Variants in CAB39L observed in about 807,000 individuals in gnomAD.
The protein encoded by CAB39L is calcium binding protein 39 like.
In CAB39L, 23 loss-of-function variants were observed where a neutral mutation model predicts 39.1. That is an observed-to-expected ratio of 0.59 (90% confidence interval 0.42 to 0.83). The LOEUF (loss-of-function observed/expected upper bound fraction) is 0.83, where lower values mean the gene tolerates loss of function less well. Ranked by LOEUF, CAB39L falls within the 40% of genes least tolerant of loss-of-function variation. The pLI is 0.00. For missense variants in CAB39L, 366 were observed against 391.9 expected (o/e 0.93, Z 0.56); for synonymous variants, 126 against 137.2 (o/e 0.92, Z 0.57).
chr13:49,441,534 T>C (rs1957523862), intron 1 of CAB39L, among the ~76,000 whole-genome samples: 1 of 151,428 alleles, frequency 6.6e-6, no homozygotes, highest in Non-Finnish European at 1.5e-5. Context: ...GCCACTGTAT[T>C]CCAGCCTGGG....
intron 5 of CAB39L, among the ~76,000 whole-genome samples, chr13:49,361,769 T>C (rs932384713): frequency 2.0e-5 from 3 of 152,070 alleles, no homozygotes; most frequent in African/African-American, 7.2e-5. Context: ...AACTCTGTCA[T>C]TCTTTAAGAT....
chr13:49,377,135 G>A lies in CAB39L; in HGVS notation c.112-4C>T, dbSNP rs370126914. ...ATTTAGACACTTCTTCTGAAGCCTA[G>A]TGACCAAAACGTATGCTAACGGTTA... On this transcript the variant is annotated splice_region_variant and splice_polypyrimidine_tract_variant and intron_variant, in intron 4 of 10. Coordinates refer to ENST00000409308, the MANE Select transcript of CAB39L (RefSeq NM_001079670.3). 2.2e-4 allele frequency: 348 copies of A among 1,611,908 alleles called. 1 individual carries two copies. Among genetic ancestry groups the A allele is most frequent in the Non-Finnish European group, 2.9e-4 (341 of 1,178,646 alleles).
At chr13:49,362,121 A>G (rs1371706031) in intron 5 of CAB39L, among the ~76,000 whole-genome samples, 4 of 151,892 alleles carry the variant, frequency 2.6e-5, no homozygotes, top group Non-Finnish European at 5.9e-5. Context: ...ATATGTATAT[A>G]TACATATTAT....
At chr13:49,318,285 C>G (rs959084058) in intron 10 of CAB39L, among the ~76,000 whole-genome samples, 1 of 150,930 alleles carries the variant, frequency 6.6e-6, no homozygotes, top group Non-Finnish European at 1.5e-5. Context: ...CTGAGCAACA[C>G]AGCAAGACCC....
At chr13:49,319,199 G>A (rs1424605170) in intron 10 of CAB39L, among the ~76,000 whole-genome samples, 7 of 152,058 alleles carry the variant, frequency 4.6e-5, no homozygotes, top group African/African-American at 1.7e-4. Flanking sequence ...AGCCGAGATC[G>A]TGCCACTGTA....
rs773396651 is a variant in CAB39L, at chr13:49,310,922, AAT to A, written c.904_905del (p.Ile302Ter). 3.2e-5 allele frequency: 51 copies of A among 1,614,008 alleles called. No individual in the cohort carries two copies. Among genetic ancestry groups the A allele is most frequent in the Non-Finnish European group, 4.3e-5 (51 of 1,180,026 alleles). On this transcript the variant is annotated frameshift_variant, in exon 11 of 11. Coordinates refer to ENST00000409308, the MANE Select transcript of CAB39L (RefSeq NM_001079670.3). LOFTEE classifies it high-confidence loss of function. ...CTTTTTGGAAGCTGCTCAGAAACTC[AAT>A]GAGTTTGGGCTGATTTTTTAACAGG... ...EILLKNQPKL[I>X]EFLSSFQKER...
chr13:49,440,855 C>T (rs1957505719), intron 1 of CAB39L, among the ~76,000 whole-genome samples: 1 of 151,022 alleles, frequency 6.6e-6, no homozygotes, highest in South Asian at 2.1e-4. Context: ...GAGTTTGTAT[C>T]CTGAAACTTA....
chr13:49,383,863 G>A lies in CAB39L; in HGVS notation c.-31-922C>T, dbSNP rs79766083. Among the ~76,000 whole-genome samples the A allele has an allele frequency of 4.3e-3, 648 of 152,284 alleles. 5 individuals carry two copies. The highest frequency in any genetic ancestry group is 0.015 in the African/African-American group (611 of 41,552). ...AAAATGAAAACAATATGTATAACTT[G>A]ATTTATAAAAATATTTATTGCCTGA... On this transcript the variant is annotated intron_variant, in intron 3 of 10. Coordinates refer to ENST00000409308, the MANE Select transcript of CAB39L (RefSeq NM_001079670.3).
chr13:49,412,719 A>C (rs1957013163), intron 3 of CAB39L, among the ~76,000 whole-genome samples: 1 of 152,158 alleles, frequency 6.6e-6, no homozygotes, highest in Non-Finnish European at 1.5e-5. Context: ...GTTGGGATGC[A>C]GGGGATGGTT....
At chr13:49,383,045 T>G (rs1037912743) in intron 3 of CAB39L, 104 bp from the exon 4 acceptor site, 1 of 517,274 alleles carries the variant, frequency 1.9e-6, no homozygotes, top group African/African-American at 2.0e-5. Context: ...TTCAGTAATC[T>G]GAAACATTAA....
intron 3 of CAB39L, among the ~76,000 whole-genome samples, chr13:49,388,332 G>C (rs1228049119): frequency 6.6e-6 from 1 of 152,146 alleles, no homozygotes; most frequent in African/African-American, 2.4e-5. Flanking sequence ...TTCTAGTTGA[G>C]ATTCATGATA....
intron 3 of CAB39L, among the ~76,000 whole-genome samples, chr13:49,416,042 C>T (rs1037284671): frequency 1.3e-5 from 2 of 152,162 alleles, no homozygotes; most frequent in Non-Finnish European, 2.9e-5. Context: ...GAAGCTCACT[C>T]AGGCTTACTC....
intron 7 of CAB39L, among the ~76,000 whole-genome samples, chr13:49,348,208 C>T (rs565414638): frequency 6.6e-6 from 1 of 152,242 alleles, no homozygotes; most frequent in African/African-American, 2.4e-5. Context: ...GGTTCCTTTC[C>T]TCTGATGTCT....
chr13:49,348,824 T>G (rs1393719288), intron 7 of CAB39L, among the ~76,000 whole-genome samples: 2 of 152,212 alleles, frequency 1.3e-5, no homozygotes, highest in Non-Finnish European at 2.9e-5. Flanking sequence ...TGCCTCCCGC[T>G]TAACCACCCA....
chr13:49,418,171 TAA>T (rs1566130701), intron 3 of CAB39L, among the ~76,000 whole-genome samples: 1 of 152,132 alleles, frequency 6.6e-6, no homozygotes, highest in African/African-American at 2.4e-5. Context: ...GCTGAATGGA[TAA>T]ATGTGGTACA....
rs1594017149 is a variant in CAB39L at position 49,377,013 on chromosome 13, C to T, written c.230G>A (p.Gly77Asp). 1 of 1,613,382 alleles carries T rather than the reference C, an allele frequency of 6.2e-7. No individual in the cohort carries two copies. Residue 77 changes from glycine to aspartate, a missense_variant, in exon 5 of 11, where the codon GGC becomes GAC. Transcript: ENST00000409308. The stretch of plus-strand genomic sequence containing the variant: ...GTCAGCTATCAGTGTCACTAGCAGG[C>T]CACTGCTGTAGAGTTCTTGTGCTAG... ...AQLAQELYSS[G>D]LLVTLIADLQ...
chr13:49,348,135 G>T (rs1481799942), intron 7 of CAB39L, among the ~76,000 whole-genome samples: 2 of 152,068 alleles, frequency 1.3e-5, no homozygotes, highest in Non-Finnish European at 2.9e-5. Flanking sequence ...TTCAAACCCG[G>T]ACGCTAGAGG....
At chr13:49,416,132 C>T (rs965272738) in intron 3 of CAB39L, among the ~76,000 whole-genome samples, 3 of 152,190 alleles carry the variant, frequency 2.0e-5, no homozygotes, top group African/African-American at 7.2e-5. Context: ...GAAAGTCTTG[C>T]TTTTACCCCA....
chr13:49,385,576 TAA>T, intron 3 of CAB39L, among the ~76,000 whole-genome samples: 1 of 152,202 alleles, frequency 6.6e-6, no homozygotes, highest in East Asian at 1.9e-4. Flanking sequence ...CCTTCCTCAC[TAA>T]GACTAATCAT....
Sources: allele counts gnomAD v4.1 joint callset (sites outside exome capture counted in the v4.1 genomes callset), GRCh38; gene constraint gnomAD v4.1.1; transcripts MANE v1.5; gene names NCBI Gene and HGNC (gene_info 2026-07-23, HGNC 2026-07-21).